RBFOX1: variants seen among roughly 807,000 people sequenced by gnomAD.
RBFOX1 encodes the protein RNA binding protein fox-1 homolog 1.
RBFOX1 carries 8 observed loss-of-function variants against 57.7 expected under a neutral mutation model. That is an observed-to-expected ratio of 0.14 (90% confidence interval 0.08 to 0.25). RBFOX1 has a LOEUF of 0.25. RBFOX1 is among the 10% of genes least tolerant of loss of function. The pLI, the probability that RBFOX1 is intolerant of heterozygous loss-of-function variation, is 1.00. For missense variants in RBFOX1, 611 were observed against 548.5 expected, an observed-to-expected ratio of 1.11 and a Z score of -1.14; for synonymous variants, 326 against 222.4, an observed-to-expected ratio of 1.47 and a Z score of -4.15.
At chr16:5,900,484 A>G (rs932907344) in intron 4 of RBFOX1, among the ~76,000 whole-genome samples, 20 of 152,276 alleles carry the variant, frequency 1.3e-4, no homozygotes, top group Non-Finnish European at 2.4e-4. Flanking sequence ...AGAAATGAAG[A>G]TTCTGTTTCC....
chr16:5,878,563 A>G (rs1267103477), intron 4 of RBFOX1, among the ~76,000 whole-genome samples: 1 of 152,184 alleles, frequency 6.6e-6, no homozygotes, highest in Non-Finnish European at 1.5e-5. Context: ...ACGTTGCTCA[A>G]CGCAATCTTC....
chr16:5,301,735 G>T (rs904396332), intron 1 of RBFOX1, among the ~76,000 whole-genome samples: 1 of 151,832 alleles, frequency 6.6e-6, no homozygotes, highest in Non-Finnish European at 1.5e-5. Context: ...CTTGATTGCA[G>T]TCTTATAAAA....
At chr16:5,368,100 T>A (rs904877683) in intron 1 of RBFOX1, among the ~76,000 whole-genome samples, 3 of 152,320 alleles carry the variant, frequency 2.0e-5, no homozygotes, top group African/African-American at 7.2e-5. Context: ...CCCATTAGAT[T>A]TGTCATAAAT....
At chr16:5,395,353 T>C (rs1327578054) in intron 1 of RBFOX1, among the ~76,000 whole-genome samples, 1 of 152,180 alleles carries the variant, frequency 6.6e-6, no homozygotes, top group African/African-American at 2.4e-5. Flanking sequence ...AGATTTGTTT[T>C]TGCCTCTGTT....
chr16:7,264,838 G>A (rs1434459149), intron 4 of RBFOX1, among the ~76,000 whole-genome samples: 1 of 152,192 alleles, frequency 6.6e-6, no homozygotes, highest in African/African-American at 2.4e-5. Context: ...AGGGTAAAAA[G>A]TTGATGAGAA....
chr16:7,586,316 T>A (rs898324905), intron 6 of RBFOX1, among the ~76,000 whole-genome samples: 2 of 152,082 alleles, frequency 1.3e-5, no homozygotes, highest in Non-Finnish European at 2.9e-5. Context: ...AATTCCAAGG[T>A]TGGGGGAAAG....
At chr16:7,207,648 A>C (rs946100708) in intron 4 of RBFOX1, among the ~76,000 whole-genome samples, 5 of 152,192 alleles carry the variant, frequency 3.3e-5, no homozygotes, top group Non-Finnish European at 7.3e-5. Flanking sequence ...CAACCTAAAG[A>C]AGGATGGAGC....
rs576289852 is a variant in RBFOX1, at chr16:5,639,345, C to G, written c.318+40384C>G. On this transcript the variant is annotated intron_variant, in intron 3 of 19. Transcript: ENST00000641259. ...TCAGAAGCATGGCCCTTGGCAACAT[C>G]TCATCCACAGTTGTATTTTATTTTG... Among the ~76,000 whole-genome samples, 12 of 152,300 alleles carry G rather than the reference C, an allele frequency of 7.9e-5. No homozygotes were observed. The East Asian group carries it at 1.5e-3, about 20-fold the overall frequency.
intron 2 of RBFOX1, among the ~76,000 whole-genome samples, chr16:5,588,264 G>C (rs2046898116): frequency 6.6e-6 from 1 of 152,098 alleles, no homozygotes; most frequent in East Asian, 1.9e-4. Flanking sequence ...TGAAAACGTT[G>C]TAAAAATGCA....
chr16:7,387,588 G>C (rs2097906044), intron 4 of RBFOX1, among the ~76,000 whole-genome samples: 1 of 152,170 alleles, frequency 6.6e-6, no homozygotes, highest in South Asian at 2.1e-4. Flanking sequence ...TACGCCTTCA[G>C]AGAGGTTCTT....
At chr16:5,682,685 G>T (rs2050376748) in intron 3 of RBFOX1, among the ~76,000 whole-genome samples, 1 of 152,156 alleles carries the variant, frequency 6.6e-6, no homozygotes, top group African/African-American at 2.4e-5. Flanking sequence ...GAAAAGCTCA[G>T]GTTTTATCCA....
intron 2 of RBFOX1, among the ~76,000 whole-genome samples, chr16:6,612,404 T>C (rs943830411): frequency 6.6e-6 from 1 of 152,198 alleles, no homozygotes; most frequent in African/African-American, 2.4e-5. Context: ...ACATATCATG[T>C]ATGCATATGT....
chr16:5,685,219 A>G (rs1255539117), intron 3 of RBFOX1, among the ~76,000 whole-genome samples: 4 of 152,184 alleles, frequency 2.6e-5, no homozygotes, highest in Non-Finnish European at 5.9e-5. Flanking sequence ...TATTAAGGAT[A>G]TTATTGGCTT....
chr16:6,992,102 CG>C (rs1015737764), intron 3 of RBFOX1, among the ~76,000 whole-genome samples: 2 of 151,954 alleles, frequency 1.3e-5, no homozygotes, highest in African/African-American at 2.4e-5. Context: ...TTAGGGAGAA[CG>C]GGTGTAGCTG....
In RBFOX1 at chr16:5,416,847, A is replaced by G. The variant is rs186219267; in HGVS notation, c.220-50369A>G. The stretch of plus-strand genomic sequence containing the variant: ...TTATCTACATTCAGTAAGAGGAGGG[A>G]AGTGTAGCGTTTGTTACTGCGGCAT... On this transcript the variant is annotated intron_variant, in intron 1 of 2. Transcript: ENST00000585867. Among the ~76,000 whole-genome samples, 16 of 152,230 alleles carry G rather than the reference A, an allele frequency of 1.1e-4. No individual in the cohort carries two copies. In the East Asian group the frequency reaches 2.9e-3, roughly 28 times the overall value.
intron 3 of RBFOX1, among the ~76,000 whole-genome samples, chr16:6,977,132 GATAT>G (rs1046923979): frequency 7.7e-6 from 1 of 130,104 alleles, no homozygotes; most frequent in African/African-American, 2.9e-5. Flanking sequence ...TCATATATAT[GATAT>G]ATATTATATA....
chr16:6,973,686 G>A (rs931557569), intron 3 of RBFOX1, among the ~76,000 whole-genome samples: 7 of 152,210 alleles, frequency 4.6e-5, no homozygotes, highest in South Asian at 2.1e-4. Context: ...GGGATTTTTC[G>A]AGTAAAGTGT....
chr16:6,388,770 A>G (rs565082019), intron 2 of RBFOX1, among the ~76,000 whole-genome samples: 3 of 152,318 alleles, frequency 2.0e-5, no homozygotes, highest in African/African-American at 7.2e-5. Flanking sequence ...AGGAAATTCC[A>G]TCACTTGTGG....
chr16:7,552,497 C>T (rs1357391689), intron 5 of RBFOX1, among the ~76,000 whole-genome samples: 1 of 152,094 alleles, frequency 6.6e-6, no homozygotes, highest in African/African-American at 2.4e-5. Flanking sequence ...CCTGAATGAC[C>T]ACTGGGTCAA....
Sources: gnomAD v4.1 joint callset for allele counts (sites outside exome capture counted in the v4.1 genomes callset) on GRCh38, gnomAD v4.1.1 for gene constraint, MANE v1.5 for transcripts, NCBI Gene and HGNC (gene_info 2026-07-23, HGNC 2026-07-21) for gene names.